ARHGAP44: variants seen among roughly 807,000 people sequenced by gnomAD.
ARHGAP44 encodes the protein rho GTPase-activating protein 44.
ARHGAP44 carries 43 observed loss-of-function variants against 106.8 expected under a neutral mutation model. That is an observed-to-expected ratio of 0.40 (90% CI 0.32 to 0.52). The LOEUF (loss-of-function observed/expected upper bound fraction) is 0.52, where lower values mean the gene tolerates loss of function less well. Among genes scored for constraint, ARHGAP44 ranks in the 20% least tolerant of loss-of-function variants. ARHGAP44 has a pLI of 0.48. For missense variants in ARHGAP44, 866 were observed against 1,050.5 expected, an observed-to-expected ratio of 0.82 and a Z score of 2.43; for synonymous variants, 439 against 410.3, an observed-to-expected ratio of 1.07 and a Z score of -0.85.
intron 1 of ARHGAP44, among the ~76,000 whole-genome samples, chr17:12,872,176 A>AT (rs1232175459): frequency 1.3e-5 from 2 of 152,066 alleles, no homozygotes; most frequent in African/African-American, 4.8e-5. Flanking sequence ...TCCTGGGCAT[A>AT]TTTTTTTGCC....
chr17:12,976,429 A>G lies in ARHGAP44; in HGVS notation c.1763+2119A>G, dbSNP rs543960618. On this transcript the variant is annotated intron_variant, in intron 18 of 20. Coordinates refer to ENST00000379672, the MANE Select transcript of ARHGAP44 (RefSeq NM_014859.6). ...GGAGCTCGTGACCAGCCTGGCCAAC[A>G]TGGTGAAACCCCATCTCTACTAAAA... is the stretch of plus-strand genomic sequence containing the variant. Among the ~76,000 whole-genome samples the G allele has an allele frequency of 2.0e-4, 30 of 152,126 alleles. No homozygotes were observed. In the South Asian group the frequency reaches 5.6e-3, roughly 28 times the overall value.
intron 1 of ARHGAP44, among the ~76,000 whole-genome samples, chr17:12,810,741 C>T (rs1332117744): frequency 6.6e-6 from 1 of 152,148 alleles, no homozygotes; most frequent in African/African-American, 2.4e-5. Flanking sequence ...CCACCCCAGA[C>T]CTTTCCCTGT....
chr17:12,902,330 G>A (rs1037883761), intron 3 of ARHGAP44, among the ~76,000 whole-genome samples: 1 of 152,184 alleles, frequency 6.6e-6, no homozygotes, highest in African/African-American at 2.4e-5. Context: ...TTTCAAGCCA[G>A]CACCCTGTTC....
In ARHGAP44 at chr17:12,990,213, G is replaced by A. The variant is rs2040093378; in HGVS notation, c.*42G>A. On this transcript the variant is annotated 3_prime_UTR_variant, in exon 21 of 21. Transcript: ENST00000379672. ...CTGCCTCGCGTGTACATACATCACGGGCCCTAGGAACGCCGCCAGGAGCAG... is the reference window on the plus strand; with the variant it reads ...CTGCCTCGCGTGTACATACATCACGAGCCCTAGGAACGCCGCCAGGAGCAG... The A allele has an allele frequency of 1.3e-6, 2 of 1,580,844 alleles. No homozygotes were observed. The highest frequency in any genetic ancestry group is 2.3e-5 in the East Asian group (1 of 43,336).
rs980789693 is a variant in ARHGAP44, at chr17:12,943,599, G to A, written c.663G>A (p.Val221=). The change falls in exon 9 of 21, where the codon GTG becomes GTA. Residue 221 remains valine (V), a synonymous_variant. Transcript: ENST00000379672. ...TTGTGTCTTCTCAGCTAATAGAAGT[G>A]CAAGCTGAATACCACAGGAAGTCCC... ...YANYFQTLIE[V]QAEYHRKSLT... is the part of the protein sequence containing the mutation. The A allele has an allele frequency of 1.2e-6, 2 of 1,613,772 alleles. No homozygotes were observed. The highest frequency in any genetic ancestry group is 2.7e-5 in the African/African-American group (2 of 74,914).
At chr17:12,938,329 A>G (rs572252804) in intron 7 of ARHGAP44, among the ~76,000 whole-genome samples, 21 of 152,310 alleles carry the variant, frequency 1.4e-4, no homozygotes, top group African/African-American at 5.1e-4. Flanking sequence ...CAAAGAATGA[A>G]AAAAGATTTC....
At chr17:12,802,753 CTTTTTTTTTTTTTT>C (rs869172678) in intron 1 of ARHGAP44, among the ~76,000 whole-genome samples, 5 of 108,712 alleles carry the variant, frequency 4.6e-5, no homozygotes, top group Non-Finnish European at 7.6e-5. Flanking sequence ...TTTTTTATTT[CTTTTTTTTTTTTTT>C]TTTTTTTTTG....
chr17:12,818,073 T>A (rs773400917), intron 1 of ARHGAP44, among the ~76,000 whole-genome samples: 1 of 151,962 alleles, frequency 6.6e-6, no homozygotes, highest in Non-Finnish European at 1.5e-5. Flanking sequence ...CGAACAGTCC[T>A]CATGAACACA....
intron 20 of ARHGAP44, chr17:12,987,039 GT>G: frequency 5.1e-6 from 2 of 389,652 alleles, no homozygotes; most frequent in Admixed American, 9.2e-5. Context: ...TTTTTTTTTT[GT>G]GACGTTCATG....
intron 14 of ARHGAP44, 113 bp from the exon 15 acceptor site, chr17:12,956,542 G>A (rs2039131054): frequency 2.5e-6 from 2 of 799,252 alleles, no homozygotes; most frequent in African/African-American, 1.7e-5. Flanking sequence ...ACCTCTGTCT[G>A]TGGGGTTCCA....
rs73978297 is a variant in ARHGAP44, at chr17:12,987,468, G to A, written c.2317+2560G>A. On this transcript the variant is annotated intron_variant, in intron 20 of 20. Coordinates refer to ENST00000379672, the MANE Select transcript of ARHGAP44 (RefSeq NM_014859.6). ...CTCCGCCCTCCCTCAGGCTTAGACC[G>A]TGGAGCTGTAACAGATCTGTTCTTC... The A allele has an allele frequency of 2.6e-3, 711 of 268,338 alleles. 6 individuals are homozygous for A. Among genetic ancestry groups the A allele is most frequent in the African/African-American group, 0.014 (646 of 46,008 alleles). 16.6% of individuals were successfully genotyped at this position (268,338 alleles called of 1,614,324 possible).
At chr17:12,794,932 C>A (rs1330850243) in intron 1 of ARHGAP44, among the ~76,000 whole-genome samples, 1 of 152,186 alleles carries the variant, frequency 6.6e-6, no homozygotes, top group Non-Finnish European at 1.5e-5. Flanking sequence ...TTGAAGGTAT[C>A]TCTGAGACAT....
At chr17:12,943,448 T>G in intron 8 of ARHGAP44, 140 bp from the exon 9 acceptor site, 1 of 690,940 alleles carries the variant, frequency 1.4e-6, no homozygotes, top group Non-Finnish European at 2.5e-6. Flanking sequence ...ATGCTCGTTA[T>G]TTTAGGTAGA....
chr17:12,929,003 G>A lies in ARHGAP44; in HGVS notation c.539G>A (p.Arg180Lys). 1 of 1,613,326 alleles carries A rather than the reference G, an allele frequency of 6.2e-7. No individual in the cohort carries two copies. Among genetic ancestry groups the A allele is most frequent in the African/African-American group, 1.3e-5 (1 of 75,052 alleles). Residue 180 changes from arginine to lysine, a missense_variant, in exon 7 of 21, where the codon AGG becomes AAG. By Grantham distance (26) the Arg-to-Lys change is conservative (BLOSUM62 2). This residue lies in a region of ARHGAP44 where 448 missense variants were observed against 646.9 expected (regional missense o/e 0.69). Coordinates refer to ENST00000379672, the MANE Select transcript of ARHGAP44 (RefSeq NM_014859.6). ...GCGGGTGCCAAGGCTGATGCCCTCA[G>A]GGAAGAAATGGAAGAGGCTGCCAAC... ...QPAGAKADAL[R>K]EEMEEAANRV...
intron 1 of ARHGAP44, among the ~76,000 whole-genome samples, chr17:12,849,048 CAAAA>C (rs58661356): frequency 2.8e-4 from 31 of 110,126 alleles, no homozygotes; most frequent in East Asian, 5.0e-4. Context: ...AACTCCATCT[CAAAA>C]AAAAAAAAAA....
intron 1 of ARHGAP44, among the ~76,000 whole-genome samples, chr17:12,829,245 A>C (rs1297109564): frequency 6.6e-6 from 1 of 151,708 alleles, no homozygotes; most frequent in Non-Finnish European, 1.5e-5. Flanking sequence ...CGTCATTCCT[A>C]TTTCTATTTC....
chr17:12,888,355 A>G (rs772415552), intron 1 of ARHGAP44, among the ~76,000 whole-genome samples: 2 of 152,132 alleles, frequency 1.3e-5, no homozygotes, highest in Non-Finnish European at 2.9e-5. Flanking sequence ...TCCATGGATT[A>G]TTTAAAAGTT....
In ARHGAP44 at chr17:12,865,843, A is replaced by G. The variant is rs180922639; in HGVS notation, c.54-29097A>G. On this transcript the variant is annotated intron_variant, in intron 1 of 20. Transcript: ENST00000379672. The stretch of plus-strand genomic sequence containing the variant: ...GTGAGCAGTGAATCTTGTGATGAAT[A>G]TGTCATTTAGTATAAGGAAATGAGA... Among the ~76,000 whole-genome samples, 4 of 152,072 alleles carry G rather than the reference A, an allele frequency of 2.6e-5. No individual in the cohort carries two copies. The East Asian group carries it at 7.7e-4, about 29-fold the overall frequency.
intron 1 of ARHGAP44, among the ~76,000 whole-genome samples, chr17:12,820,536 G>A (rs2034736382): frequency 6.6e-6 from 1 of 152,142 alleles, no homozygotes; most frequent in Non-Finnish European, 1.5e-5. Flanking sequence ...TCTGTACTGT[G>A]TTCCTGGCAC....
Sources: gnomAD v4.1 joint callset for allele counts (sites outside exome capture counted in the v4.1 genomes callset) on GRCh38, gnomAD v4.1.1 for gene constraint, gnomAD v4.1.1 regional missense constraint, MANE v1.5 for transcripts, NCBI Gene and HGNC (gene_info 2026-07-23, HGNC 2026-07-21) for gene names.